IRAK1BP1: variants seen among roughly 807,000 people sequenced by gnomAD.
IRAK1BP1 encodes interleukin-1 receptor-associated kinase 1-binding protein 1.
A neutral mutation model predicts 28.0 loss-of-function variants in IRAK1BP1; 24 were observed. That is an observed-to-expected ratio of 0.86 (90% CI 0.62 to 1.20). The LOEUF (loss-of-function observed/expected upper bound fraction) is 1.20, where lower values mean the gene tolerates loss of function less well. Ranked by LOEUF, IRAK1BP1 falls within the 50% of genes most tolerant of loss-of-function variation. IRAK1BP1 has a pLI of 0.00. For synonymous variants in IRAK1BP1, 131 were observed against 116.3 expected (o/e 1.13, Z -0.81); for missense variants, 336 against 316.7 (o/e 1.06, Z -0.46).
At chr6:78,894,322 T>C (rs1470266521) in intron 2 of IRAK1BP1, among the ~76,000 whole-genome samples, 1 of 152,238 alleles carries the variant, frequency 6.6e-6, no homozygotes, top group Non-Finnish European at 1.5e-5. Flanking sequence ...TCCACTTACA[T>C]GCTGCCTGAG....
the IRAK1BP1 span, chr6:78,969,925 C>T: frequency 1.3e-6 from 2 of 1,577,664 alleles, no homozygotes; most frequent in Non-Finnish European, 1.7e-6. Flanking sequence ...TATCTAATTA[C>T]AAACAGAAAC....
At chr6:78,932,230 T>C (rs994967620) in intron 4 of IRAK1BP1, among the ~76,000 whole-genome samples, 1 of 152,038 alleles carries the variant, frequency 6.6e-6, no homozygotes, top group East Asian at 1.9e-4. Context: ...GAATCATCCA[T>C]GAGGGTTGGA....
At chr6:78,963,334 C>T in the IRAK1BP1 span, 2 of 1,091,838 alleles carry the variant, frequency 1.8e-6, no homozygotes, top group Non-Finnish European at 2.6e-6. Flanking sequence ...AAATAACAGT[C>T]ACAAAATTAA....
At chr6:78,975,795 T>G in the IRAK1BP1 span, among the ~76,000 whole-genome samples, 1 of 150,910 alleles carries the variant, frequency 6.6e-6, no homozygotes, top group East Asian at 2.0e-4. Context: ...GAGAATAAAA[T>G]ACCTAGGAAT....
At chr6:78,971,586 C>T in the IRAK1BP1 span, among the ~76,000 whole-genome samples, 7 of 152,214 alleles carry the variant, frequency 4.6e-5, no homozygotes, top group South Asian at 2.1e-4. Flanking sequence ...ATGCAGAAGA[C>T]GGGTGATTTC....
intron 4 of IRAK1BP1, chr6:78,940,315 T>C (rs1454174344): frequency 6.6e-6 from 1 of 151,868 alleles, no homozygotes; most frequent in Non-Finnish European, 1.5e-5. Context: ...CATGAAATGC[T>C]CTATCACTAG....
At chr6:78,890,211 G>A (rs1771592652) in intron 2 of IRAK1BP1, among the ~76,000 whole-genome samples, 2 of 148,862 alleles carry the variant, frequency 1.3e-5, no homozygotes, top group East Asian at 2.1e-4. Flanking sequence ...ATAAGTGGGA[G>A]TTGAACAATG....
At chr6:78,977,960 A>C in the IRAK1BP1 span, among the ~76,000 whole-genome samples, 1 of 152,144 alleles carries the variant, frequency 6.6e-6, no homozygotes, top group Non-Finnish European at 1.5e-5. Context: ...ATTTATGGTC[A>C]ATCTGTTGGA....
At position 78,902,951 on chromosome 6, in the gene IRAK1BP1, C is replaced by T. The variant is rs1772155461; in HGVS notation, c.*4617C>T. The T allele has an allele frequency of 4.9e-6, 5 of 1,018,798 alleles. No homozygotes were observed. In the East Asian group the frequency reaches 1.0e-4, roughly 21 times the overall value. The allele number at this position is 1,018,798 out of a possible 1,614,324, so 63.1% of individuals were successfully genotyped here. On this transcript the variant is annotated 3_prime_UTR_variant, in exon 4 of 4. Transcript: ENST00000369940. ...GTTTTCTACTATTAAAACAATAAAA[C>T]TCTTATAAACCTGTTTATCAGAAGG... is the stretch of plus-strand genomic sequence containing the variant.
the IRAK1BP1 span, among the ~76,000 whole-genome samples, chr6:78,959,143 A>G: frequency 6.6e-6 from 1 of 152,140 alleles, no homozygotes; most frequent in Non-Finnish European, 1.5e-5. Context: ...TTTTCTGAAC[A>G]CTTAATTGAC....
the IRAK1BP1 span, among the ~76,000 whole-genome samples, chr6:78,967,927 G>A: frequency 5.9e-3 from 890 of 152,118 alleles, 4 homozygotes; most frequent in African/African-American, 0.02. Flanking sequence ...AAGGTCAGGA[G>A]ATCAAGACCA....
intron 4 of IRAK1BP1, among the ~76,000 whole-genome samples, chr6:78,942,224 T>A (rs1773540795): frequency 6.6e-6 from 1 of 152,194 alleles, no homozygotes; most frequent in African/African-American, 2.4e-5. Flanking sequence ...GGCTCACGAT[T>A]ATAATCCCAG....
At position 78,900,427 on chromosome 6, in the gene IRAK1BP1, C is replaced by T. The variant is rs1303621307; in HGVS notation, c.*2093C>T. 2.0e-5 allele frequency: 3 copies of T among 152,192 alleles called. No homozygotes were observed. Among genetic ancestry groups the T allele is most frequent in the African/African-American group, 7.2e-5 (3 of 41,450 alleles). 9.4% of individuals were successfully genotyped at this position (152,192 alleles called of 1,614,324 possible). A position where few individuals can be genotyped will look rare whatever the true frequency, so the allele number is the denominator to read the frequency against. Reference sequence around the variant, plus strand: ...TTCCAGTATATAGTGTCCAGCTTCACCCACTTTTTAAAGTGGCCCTGAAAC... The same window carrying T: ...TTCCAGTATATAGTGTCCAGCTTCATCCACTTTTTAAAGTGGCCCTGAAAC... On this transcript the variant is annotated 3_prime_UTR_variant, in exon 4 of 4. Coordinates refer to ENST00000369940, the MANE Select transcript of IRAK1BP1 (RefSeq NM_001010844.4).
chr6:78,897,894 A>G lies in IRAK1BP1; in HGVS notation c.447A>G (p.Leu149=), dbSNP rs1191710367. The G allele has an allele frequency of 6.2e-7, 1 of 1,613,778 alleles. No homozygotes were observed. Among genetic ancestry groups the G allele is most frequent in the Non-Finnish European group, 8.5e-7 (1 of 1,179,706 alleles). The change falls in exon 3 of 4, where the codon CTA becomes CTG. Residue 149 remains leucine, a synonymous_variant. Coordinates refer to ENST00000369940, the MANE Select transcript of IRAK1BP1 (RefSeq NM_001010844.4). ...QNICNFLVEK[L]DSSVVISPPQ... Reference sequence around the variant, plus strand: ...TTTGTAACTTTCTTGTTGAAAAGCTAGATAGCTCTGTTGTCATCAGCCCAC... The same window carrying G: ...TTTGTAACTTTCTTGTTGAAAAGCTGGATAGCTCTGTTGTCATCAGCCCAC...
intron 1 of IRAK1BP1, among the ~76,000 whole-genome samples, chr6:78,874,014 G>C (rs149561357): frequency 2.0e-5 from 3 of 152,138 alleles, no homozygotes; most frequent in African/African-American, 7.2e-5. Flanking sequence ...TCAAGGCTCT[G>C]CATACTTTGA....
the IRAK1BP1 span, among the ~76,000 whole-genome samples, chr6:78,977,419 A>G: frequency 5.9e-5 from 9 of 152,152 alleles, no homozygotes; most frequent in Non-Finnish European, 1.0e-4. Flanking sequence ...AGATATACCT[A>G]ATGCTAGATG....
chr6:78,874,848 T>G (rs1462788015), intron 1 of IRAK1BP1, among the ~76,000 whole-genome samples: 1 of 152,058 alleles, frequency 6.6e-6, no homozygotes, highest in African/African-American at 2.4e-5. Context: ...GAATTTTTGA[T>G]GAAGACCCCA....
chr6:78,943,737 A>G (rs934937827), intron 4 of IRAK1BP1, among the ~76,000 whole-genome samples: 4 of 152,098 alleles, frequency 2.6e-5, no homozygotes, highest in African/African-American at 9.7e-5. Flanking sequence ...CTGAAATCAC[A>G]ATACTTTGGG....
chr6:78,972,625 T>G, the IRAK1BP1 span, among the ~76,000 whole-genome samples: 2 of 152,040 alleles, frequency 1.3e-5, no homozygotes, highest in African/African-American at 4.8e-5. Flanking sequence ...AGTTGAAAAC[T>G]TTGAAAAAAA....
Sources: gnomAD v4.1 joint callset for allele counts (sites outside exome capture counted in the v4.1 genomes callset) on GRCh38, gnomAD v4.1.1 for gene constraint, MANE v1.5 for transcripts, NCBI Gene and HGNC (gene_info 2026-07-23, HGNC 2026-07-21) for gene names.